The following NCKAP5 variants were observed in gnomAD, a reference collection of about 807,000 sequenced individuals.
The protein encoded by NCKAP5 is nck-associated protein 5.
NCKAP5 carries 92 observed loss-of-function variants against 167.0 expected under a neutral mutation model. That is an observed-to-expected ratio of 0.55 (90% CI 0.47 to 0.66). The LOEUF is 0.66. NCKAP5 is among the 30% of genes least tolerant of loss of function. NCKAP5 has a pLI of 0.00. For missense variants in NCKAP5, 2,378 were observed against 2,315.0 expected, an observed-to-expected ratio of 1.03 and a Z score of -0.56; for synonymous variants, 891 against 877.4, an observed-to-expected ratio of 1.02 and a Z score of -0.27.
At chr2:133,548,151 A>C (rs1438796246) in intron 2 of NCKAP5, among the ~76,000 whole-genome samples, 2 of 151,206 alleles carry the variant, frequency 1.3e-5, no homozygotes, top group Non-Finnish European at 3.0e-5. Context: ...AAATGAATGA[A>C]ATGAAGCGAG....
rs561639455 is a variant in NCKAP5 at position 133,325,718 on chromosome 2, C to T, written c.70-22608G>A. On this transcript the variant is annotated intron_variant, in intron 3 of 19. Coordinates refer to ENST00000409261, the MANE Select transcript of NCKAP5 (RefSeq NM_207363.3). ...TGACCTGAATGAAAGCTAGTTAACA[C>T]ACCACATTTGCCTGGAGATGTCAAC... 5.9e-5 allele frequency among the ~76,000 whole-genome samples: 9 copies of T among 152,282 alleles called. 1 individual carries two copies. The East Asian group carries it at 1.2e-3, about 20-fold the overall frequency.
chr2:133,501,434 T>C (rs1682505137), intron 3 of NCKAP5, among the ~76,000 whole-genome samples: 1 of 152,140 alleles, frequency 6.6e-6, no homozygotes, highest in African/African-American at 2.4e-5. Context: ...AGCTTAGCAA[T>C]TGAGACATAG....
Position 133,002,852 on chromosome 2 carries a change from T to G in NCKAP5, c.342-8613A>C, listed in dbSNP as rs979594798. 7.9e-5 allele frequency among the ~76,000 whole-genome samples: 12 copies of G among 152,324 alleles called. No individual in the cohort carries two copies. In the South Asian group the frequency reaches 1.7e-3, roughly 21 times the overall value. On this transcript the variant is annotated intron_variant, in intron 6 of 19. Coordinates refer to ENST00000409261, the MANE Select transcript of NCKAP5 (RefSeq NM_207363.3). ...ATTGAACCTAATGGATTTTTTACCCTTGTTCATTCCCTGCATCTTTACATT... is the reference window on the plus strand; with the variant it reads ...ATTGAACCTAATGGATTTTTTACCCGTGTTCATTCCCTGCATCTTTACATT...
chr2:133,145,042 C>A (rs1361684179), intron 5 of NCKAP5, among the ~76,000 whole-genome samples: 1 of 151,998 alleles, frequency 6.6e-6, no homozygotes, highest in Non-Finnish European at 1.5e-5. Context: ...CTTTGAGAGC[C>A]TATGAGATTT....
At chr2:133,065,393 G>A (rs1448501090) in intron 6 of NCKAP5, among the ~76,000 whole-genome samples, 1 of 152,184 alleles carries the variant, frequency 6.6e-6, no homozygotes, top group Non-Finnish European at 1.5e-5. Flanking sequence ...TTGGGAGGCT[G>A]AGGCGGGCAG....
intron 7 of NCKAP5, among the ~76,000 whole-genome samples, chr2:132,990,470 T>G (rs2077418300): frequency 6.6e-6 from 1 of 152,142 alleles, no homozygotes; most frequent in Non-Finnish European, 1.5e-5. Flanking sequence ...ATACCTATCC[T>G]CAAAACATGT....
chr2:133,544,565 G>A lies in NCKAP5; in HGVS notation c.-62+14485C>T, dbSNP rs565599665. 3.3e-5 allele frequency among the ~76,000 whole-genome samples: 5 copies of A among 152,210 alleles called. No individual in the cohort carries two copies. In the East Asian group the frequency reaches 5.8e-4, roughly 18 times the overall value. On this transcript the variant is annotated intron_variant, in intron 2 of 19. Transcript: ENST00000409261. ...CTTTAATGATGACTCGGGCTCCATCGTGTGAATGGAGTATTATTTGTTTGA... is the reference window on the plus strand; with the variant it reads ...CTTTAATGATGACTCGGGCTCCATCATGTGAATGGAGTATTATTTGTTTGA...
intron 3 of NCKAP5, among the ~76,000 whole-genome samples, chr2:133,494,103 C>T (rs182515681): frequency 6.6e-6 from 1 of 152,344 alleles, no homozygotes; most frequent in East Asian, 1.9e-4. Context: ...TGCCGTTGCA[C>T]TGATGCAGCA....
intron 6 of NCKAP5, among the ~76,000 whole-genome samples, chr2:133,075,098 A>T (rs959850505): frequency 9.9e-5 from 15 of 152,190 alleles, no homozygotes; most frequent in Non-Finnish European, 1.9e-4. Flanking sequence ...ACAGGAAAAA[A>T]ATTGAAATCA....
At chr2:133,063,321 T>C (rs1354381371) in intron 6 of NCKAP5, among the ~76,000 whole-genome samples, 1 of 152,186 alleles carries the variant, frequency 6.6e-6, no homozygotes, top group East Asian at 1.9e-4. Context: ...ACAATAAGTG[T>C]GTTTATTAAG....
At chr2:132,733,330 G>A (rs761154518) in intron 16 of NCKAP5, among the ~76,000 whole-genome samples, 1 of 152,184 alleles carries the variant, frequency 6.6e-6, no homozygotes. Context: ...GTTAGGCATG[G>A]TGGGGAATGT....
At chr2:133,040,512 G>T (rs2149452758) in intron 6 of NCKAP5, among the ~76,000 whole-genome samples, 1 of 152,110 alleles carries the variant, frequency 6.6e-6, no homozygotes, top group African/African-American at 2.4e-5. Flanking sequence ...TAAAATAAAA[G>T]TTTATTGAAT....
intron 13 of NCKAP5, among the ~76,000 whole-genome samples, chr2:132,786,799 T>G (rs1264140292): frequency 6.6e-6 from 1 of 152,158 alleles, no homozygotes; most frequent in Non-Finnish European, 1.5e-5. Flanking sequence ...GGAGCAAAGG[T>G]ATGACCTCTG....
chr2:133,241,464 AT>A (rs2087702020), intron 4 of NCKAP5, among the ~76,000 whole-genome samples: 1 of 152,238 alleles, frequency 6.6e-6, no homozygotes, highest in Non-Finnish European at 1.5e-5. Flanking sequence ...TATAATTTGT[AT>A]TTATAAACAC....
intron 3 of NCKAP5, among the ~76,000 whole-genome samples, chr2:133,464,642 A>T (rs1692426298): frequency 6.6e-6 from 1 of 152,080 alleles, no homozygotes; most frequent in Non-Finnish European, 1.5e-5. Flanking sequence ...GTGAGCCGAG[A>T]TCCCACCACT....
chr2:133,367,692 A>G (rs1197530995), intron 3 of NCKAP5, among the ~76,000 whole-genome samples: 3 of 152,160 alleles, frequency 2.0e-5, no homozygotes, highest in African/African-American at 7.2e-5. Context: ...CCCCTAGCAA[A>G]CATGGAGGCA....
At chr2:133,460,773 T>C (rs1420790383) in intron 3 of NCKAP5, among the ~76,000 whole-genome samples, 2 of 152,128 alleles carry the variant, frequency 1.3e-5, no homozygotes, top group African/African-American at 4.8e-5. Context: ...AGATTTTTAT[T>C]AAGGAGAGAA....
intron 19 of NCKAP5, among the ~76,000 whole-genome samples, chr2:132,724,236 C>T (rs958738762): frequency 3.9e-5 from 6 of 152,214 alleles, no homozygotes; most frequent in Admixed American, 3.3e-4. Context: ...CTCTCCCCTT[C>T]TCTGCCTGAC....
intron 2 of NCKAP5, among the ~76,000 whole-genome samples, chr2:133,520,821 C>A (rs1684410451): frequency 6.6e-6 from 1 of 152,104 alleles, no homozygotes; most frequent in African/African-American, 2.4e-5. Context: ...GATTTAGCAA[C>A]AATATGGCAT....
Sources: gnomAD v4.1 joint callset for allele counts (sites outside exome capture counted in the v4.1 genomes callset) on GRCh38, gnomAD v4.1.1 for gene constraint, MANE v1.5 for transcripts, NCBI Gene and HGNC (gene_info 2026-07-23, HGNC 2026-07-21) for gene names.